AKAP10: variants seen among roughly 807,000 people sequenced by gnomAD.
The protein encoded by AKAP10 is A-kinase anchoring protein 10.
A neutral mutation model predicts 80.8 loss-of-function variants in AKAP10; 24 were observed. The ratio of observed to expected loss-of-function variants is 0.30; its 90% CI spans 0.22 to 0.42. The LOEUF is 0.42. AKAP10 is among the 10% of genes least tolerant of loss of function. The pLI, the probability that AKAP10 is intolerant of heterozygous loss-of-function variation, is 1.00. For missense variants in AKAP10, 661 were observed against 794.9 expected (o/e 0.83, Z 2.03); for synonymous variants, 291 against 277.7 (o/e 1.05, Z -0.48).
At chr17:19,976,648 T>A (rs913800711) in intron 1 of AKAP10, among the ~76,000 whole-genome samples, 2 of 152,096 alleles carry the variant, frequency 1.3e-5, no homozygotes, top group African/African-American at 4.8e-5. Flanking sequence ...GCCTCCCAAG[T>A]AGCTGGCATT....
At chr17:19,950,043 C>T (rs2043181979) in intron 4 of AKAP10, among the ~76,000 whole-genome samples, 1 of 152,126 alleles carries the variant, frequency 6.6e-6, no homozygotes, top group Non-Finnish European at 1.5e-5. Flanking sequence ...TGGCTCACGC[C>T]TGTAATCCCA....
intron 8 of AKAP10, among the ~76,000 whole-genome samples, chr17:19,939,304 T>C (rs966525343): frequency 6.6e-6 from 1 of 152,200 alleles, no homozygotes; most frequent in Non-Finnish European, 1.5e-5. Context: ...CTCATATTTA[T>C]TCCCCACTCC....
chr17:19,911,267 T>A (rs1020361198), intron 12 of AKAP10, among the ~76,000 whole-genome samples: 7 of 152,184 alleles, frequency 4.6e-5, no homozygotes, highest in African/African-American at 1.7e-4. Context: ...TCTATTGACA[T>A]GTTAGAAAAC....
At chr17:19,927,675 C>T (rs1394983489) in intron 10 of AKAP10, among the ~76,000 whole-genome samples, 2 of 152,008 alleles carry the variant, frequency 1.3e-5, no homozygotes, top group African/African-American at 4.8e-5. Context: ...CTTCGGGAGG[C>T]CAAGGCAGGT....
At chr17:19,946,255 ATATATATATATATATATATAT>A (rs2043120494) in intron 5 of AKAP10, among the ~76,000 whole-genome samples, 3 of 21,350 alleles carry the variant, frequency 1.4e-4, no homozygotes, top group Non-Finnish European at 2.5e-4. Context: ...ATATATATAT[ATATATATATATATATATATAT>A]TTTTTTTTTT....
intron 4 of AKAP10, among the ~76,000 whole-genome samples, chr17:19,951,423 A>G (rs1444601293): frequency 1.3e-5 from 2 of 152,264 alleles, no homozygotes; most frequent in Non-Finnish European, 2.9e-5. Context: ...AGAACGGGCC[A>G]TGATGACGAT....
chr17:19,946,245 AT>A (rs2043116723), intron 5 of AKAP10, among the ~76,000 whole-genome samples: 4 of 13,828 alleles, frequency 2.9e-4, no homozygotes, highest in African/African-American at 1.9e-3. Context: ...TATTATATAT[AT>A]ATATATATAT....
intron 1 of AKAP10, among the ~76,000 whole-genome samples, chr17:19,972,840 C>T (rs1176350943): frequency 6.6e-6 from 1 of 152,176 alleles, no homozygotes; most frequent in South Asian, 2.1e-4. Flanking sequence ...CCCTTCCTAT[C>T]CTGAGATCAG....
intron 4 of AKAP10, among the ~76,000 whole-genome samples, chr17:19,957,485 A>T (rs1366177091): frequency 7.2e-5 from 11 of 152,072 alleles, no homozygotes; most frequent in Admixed American, 7.2e-4. Flanking sequence ...CAGTGAGCCG[A>T]GACCGCGCCA....
At chr17:19,912,844 G>C (rs931767802) in intron 12 of AKAP10, among the ~76,000 whole-genome samples, 2 of 152,190 alleles carry the variant, frequency 1.3e-5, no homozygotes, top group Non-Finnish European at 2.9e-5. Context: ...GAAAGGCAGA[G>C]GAAGGGGAGC....
chr17:19,972,745 G>A (rs1304844264), intron 1 of AKAP10, among the ~76,000 whole-genome samples: 2 of 152,140 alleles, frequency 1.3e-5, no homozygotes, highest in Non-Finnish European at 2.9e-5. Flanking sequence ...GTGAGCCACC[G>A]CGCTTGGCGA....
intron 12 of AKAP10, among the ~76,000 whole-genome samples, chr17:19,912,226 C>T (rs2042698670): frequency 6.6e-6 from 1 of 152,022 alleles, no homozygotes; most frequent in African/African-American, 2.4e-5. Flanking sequence ...ACCAGTCTAA[C>T]CAACATGGTG....
rs71157845 is a variant in AKAP10 at position 19,938,237 on chromosome 17, A to ATTTTTT, written c.1322+1470_1322+1475dup. Among the ~76,000 whole-genome samples, 309 of 136,088 alleles carry ATTTTTT rather than the reference A, an allele frequency of 2.3e-3. 10 individuals are homozygous for ATTTTTT. In the East Asian group the frequency reaches 0.064, roughly 28 times the overall value. 89.3% of individuals were successfully genotyped at this position (136,088 alleles called of 152,430 possible). Reference sequence around the variant, plus strand: ...CCACCGGTACCCAGACTGAAAACCTATTTTTTTTTTTTTTTCTGAGACAGA... The same window carrying ATTTTTT: ...CCACCGGTACCCAGACTGAAAACCTATTTTTTTTTTTTTTTTTTTTTCTGAGACAGA... On this transcript the variant is annotated intron_variant, in intron 8 of 14. Coordinates refer to ENST00000225737, the MANE Select transcript of AKAP10 (RefSeq NM_007202.4).
At chr17:19,953,548 A>AG (rs2043238743) in intron 4 of AKAP10, among the ~76,000 whole-genome samples, 1 of 152,178 alleles carries the variant, frequency 6.6e-6, no homozygotes, top group Non-Finnish European at 1.5e-5. Flanking sequence ...GGAATAAAAG[A>AG]GGGATACCAC....
rs372039990 is a variant in AKAP10, at chr17:19,973,533, T to G, written c.88+4059A>C. 3.7e-4 allele frequency among the ~76,000 whole-genome samples: 57 copies of G among 152,364 alleles called. No homozygotes were observed. In the South Asian group the frequency reaches 0.011, roughly 28 times the overall value. On this transcript the variant is annotated intron_variant, in intron 1 of 14. Transcript: ENST00000225737. ...TCTTTTCCCAACTAGGAACTCTATATCCGAAATTCCCAATATACCTGGGTC... is the reference window on the plus strand; with the variant it reads ...TCTTTTCCCAACTAGGAACTCTATAGCCGAAATTCCCAATATACCTGGGTC...
rs745762479 is a variant in AKAP10, at chr17:19,958,081, T to C, written c.810A>G (p.Thr270=). ...GACTATTTCTACTGGCTACTGTAAG[T>C]GTAGAGGAAGATTCTTGGGTTTCCA... ...VSMETQESSS[T]LTVASRNSPA... The change falls in exon 4 of 15, where the codon ACA becomes ACG. Residue 270 remains threonine, a synonymous_variant. Coordinates refer to ENST00000225737, the MANE Select transcript of AKAP10 (RefSeq NM_007202.4). 7 of 1,614,198 alleles carry C rather than the reference T, an allele frequency of 4.3e-6. No homozygotes were observed. The East Asian group carries it at 1.1e-4, about 26-fold the overall frequency.
chr17:19,949,071 T>C (rs990848965), intron 4 of AKAP10, among the ~76,000 whole-genome samples: 1 of 152,078 alleles, frequency 6.6e-6, no homozygotes, highest in Non-Finnish European at 1.5e-5. Flanking sequence ...AATCCCATTA[T>C]CTCACAAGAG....
chr17:19,960,867 T>A lies in AKAP10; in HGVS notation c.319+1973A>T, dbSNP rs79385688. Among the ~76,000 whole-genome samples, 399 of 150,210 alleles carry A rather than the reference T, an allele frequency of 2.7e-3. 15 individuals carry two copies. In the East Asian group the frequency reaches 0.074, roughly 28 times the overall value. On this transcript the variant is annotated intron_variant, in intron 3 of 14. Transcript: ENST00000225737. ...ATGGTGAAACCCCATATCTACTAAA[T>A]ATACAAAAATCAGCCAGGCATTATG...
At chr17:19,911,826 ACT>A (rs1336818070) in intron 12 of AKAP10, among the ~76,000 whole-genome samples, 1 of 131,998 alleles carries the variant, frequency 7.6e-6, no homozygotes, top group Non-Finnish European at 1.6e-5. Flanking sequence ...CAAGAGCAAA[ACT>A]CTGTCACAAA....
Sources: allele counts gnomAD v4.1 joint callset (sites outside exome capture counted in the v4.1 genomes callset), GRCh38; gene constraint gnomAD v4.1.1; transcripts MANE v1.5; gene names NCBI Gene and HGNC (gene_info 2026-07-23, HGNC 2026-07-21).